The following ATP2C1 variants were observed in gnomAD, a reference collection of about 807,000 sequenced individuals.
ATP2C1 encodes the protein ATPase secretory pathway Ca2+ transporting 1, also known as calcium-transporting ATPase type 2C member 1.
ATP2C1 carries 31 observed loss-of-function variants against 120.5 expected under a neutral mutation model. The observed-to-expected ratio is 0.26, with a 90% confidence interval of 0.19 to 0.35. The LOEUF is 0.35. Among genes scored for constraint, ATP2C1 ranks in the 10% least tolerant of loss-of-function variants. The probability of loss-of-function intolerance (pLI) is 1.00; values close to 1 mark genes in which losing one functional copy is unlikely to be tolerated. For missense variants in ATP2C1, 731 were observed against 1,107.5 expected (o/e 0.66, Z 4.83); for synonymous variants, 351 against 358.7 (o/e 0.98, Z 0.24).
chr3:130,933,258 A>T (rs973461249), intron 4 of ATP2C1, among the ~76,000 whole-genome samples: 1 of 105,818 alleles, frequency 9.5e-6, no homozygotes, highest in Non-Finnish European at 2.3e-5. Flanking sequence ...ATCACAAAGC[A>T]CTGGGTGATT....
chr3:130,934,465 G>A (rs930485455), intron 4 of ATP2C1, among the ~76,000 whole-genome samples, 157 bp from the exon 5 acceptor site: 5 of 150,668 alleles, frequency 3.3e-5, no homozygotes, highest in South Asian at 4.2e-4. Flanking sequence ...AAGTATAAAC[G>A]CTTTTTTTGT....
chr3:130,980,267 G>A (rs1300948502), intron 19 of ATP2C1, among the ~76,000 whole-genome samples: 1 of 140,328 alleles, frequency 7.1e-6, no homozygotes, highest in East Asian at 2.0e-4. Flanking sequence ...TTTTTTTCCT[G>A]TAGAGACAGG....
At position 130,971,480 on chromosome 3, in the gene ATP2C1, TA is replaced by T. The variant is rs561924810; in HGVS notation, c.1413+2088del. Reference sequence around the variant, plus strand: ...ACACAGATAGGGAAACTTAACATTTTAAAAGTAACTTCAGTGGCTCAGATAG... The same window carrying T: ...ACACAGATAGGGAAACTTAACATTTTAAAGTAACTTCAGTGGCTCAGATAG... On this transcript the variant is annotated intron_variant, in intron 17 of 27. Transcript: ENST00000510168. Among the ~76,000 whole-genome samples the T allele has an allele frequency of 1.3e-4, 20 of 152,308 alleles. No homozygotes were observed. In the East Asian group the frequency reaches 3.3e-3, roughly 25 times the overall value.
chr3:131,016,472 C>T, exon 27 of ATP2C1: 5 of 979,496 alleles, frequency 5.1e-6, no homozygotes, highest in Non-Finnish European at 7.5e-6. Flanking sequence ...TCTCTTCTGG[C>T]TTCATAAATG....
At chr3:130,858,003 CA>C (rs2067897733) in intron 1 of ATP2C1, among the ~76,000 whole-genome samples, 1 of 152,140 alleles carries the variant, frequency 6.6e-6, no homozygotes, top group South Asian at 2.1e-4. Flanking sequence ...TCCAAGAGTC[CA>C]AAAGCTGAAG....
Position 130,986,666 on chromosome 3 carries a change from A to G in ATP2C1, c.1839+5987A>G, listed in dbSNP as rs149184370. Among the ~76,000 whole-genome samples the G allele has an allele frequency of 8.0e-3, 1,219 of 152,322 alleles. 15 individuals carry two copies. Among genetic ancestry groups the G allele is most frequent in the Middle Eastern group, 0.027 (8 of 294 alleles). On this transcript the variant is annotated intron_variant, in intron 20 of 27. Coordinates refer to ENST00000510168, the MANE Select transcript of ATP2C1 (RefSeq NM_001378687.1). ...TCATCCTACTTTAAAGTGGAATTCT[A>G]TAAATACTAGCCCTGCCTCCCAGGT...
chr3:130,997,534 A>T, intron 24 of ATP2C1, 72 bp from the exon 25 acceptor site: 2 of 1,372,908 alleles, frequency 1.5e-6, no homozygotes, highest in Non-Finnish European at 2.1e-6. Context: ...AATTGAGGTT[A>T]GTGAGGTTGT....
At chr3:130,943,708 T>A (rs1335722322) in intron 8 of ATP2C1, among the ~76,000 whole-genome samples, 1 of 152,218 alleles carries the variant, frequency 6.6e-6, no homozygotes, top group Non-Finnish European at 1.5e-5. Flanking sequence ...TTTTATTCTC[T>A]CTACCTTAAT....
intron 8 of ATP2C1, among the ~76,000 whole-genome samples, chr3:130,942,013 C>T (rs1376858515): frequency 1.3e-5 from 2 of 152,056 alleles, no homozygotes; most frequent in African/African-American, 4.8e-5. Context: ...AATTACTCAC[C>T]ATAAAATAGA....
chr3:130,987,411 A>T (rs1011691398), intron 20 of ATP2C1, among the ~76,000 whole-genome samples: 1 of 152,210 alleles, frequency 6.6e-6, no homozygotes, highest in Admixed American at 6.5e-5. Flanking sequence ...TCCTGGGTTC[A>T]GGTGATCTCC....
In ATP2C1 at chr3:130,941,823, G is replaced by T. The variant is rs2059933134; in HGVS notation, c.531+124G>T. On this transcript the variant is annotated intron_variant, in intron 8 of 27. Coordinates refer to ENST00000510168, the MANE Select transcript of ATP2C1 (RefSeq NM_001378687.1). ...ACCATTTGGTATTCTACTTTAAAAT[G>T]TGACATATATAAACTTTTTTTTTTC... The T allele has an allele frequency of 5.8e-6, 5 of 861,430 alleles. No individual in the cohort carries two copies. The Admixed American group carries it at 1.0e-4, about 18-fold the overall frequency. The allele number at this position is 861,430 out of a possible 1,614,324, so 53.4% of individuals were successfully genotyped here.
At chr3:130,852,247 T>C (rs2067696935) in intron 1 of ATP2C1, among the ~76,000 whole-genome samples, 1 of 152,228 alleles carries the variant, frequency 6.6e-6, no homozygotes, top group South Asian at 2.1e-4. Flanking sequence ...AATCTTTTAA[T>C]GTTCACGGGC....
At chr3:130,877,643 T>A (rs976962365) in intron 1 of ATP2C1, among the ~76,000 whole-genome samples, 2 of 151,794 alleles carry the variant, frequency 1.3e-5, no homozygotes, top group Non-Finnish European at 2.9e-5. Context: ...AAACAACAGG[T>A]GCTGGAGAGG....
At chr3:130,958,102 C>T (rs759304088) in intron 11 of ATP2C1, among the ~76,000 whole-genome samples, 20 of 152,108 alleles carry the variant, frequency 1.3e-4, no homozygotes, top group Non-Finnish European at 2.2e-4. Flanking sequence ...AGCACTATAC[C>T]ATAAACCATT....
chr3:130,947,959 A>G (rs1434331795), intron 8 of ATP2C1, among the ~76,000 whole-genome samples: 1 of 152,220 alleles, frequency 6.6e-6, no homozygotes, highest in Non-Finnish European at 1.5e-5. Context: ...AAAATCGTAC[A>G]GCCCACACCT....
At position 130,912,335 on chromosome 3, in the gene ATP2C1, A is replaced by G. The variant is rs1485179929; in HGVS notation, c.6+17560A>G. On this transcript the variant is annotated intron_variant, in intron 2 of 27. Transcript: ENST00000510168. ...CAGGAAACCTACAAAATGGGAGAAA[A>G]TTTTCGCAACCTACTCATCTGACAA... 2.6e-5 allele frequency among the ~76,000 whole-genome samples: 4 copies of G among 151,274 alleles called. No homozygotes were observed. In the East Asian group the frequency reaches 7.8e-4, roughly 29 times the overall value.
At chr3:130,966,168 G>A (rs1034145950) in intron 14 of ATP2C1, among the ~76,000 whole-genome samples, 7 of 152,038 alleles carry the variant, frequency 4.6e-5, no homozygotes, top group African/African-American at 1.2e-4. Flanking sequence ...GTTTATTTAC[G>A]TCCATTTTAC....
chr3:130,952,239 A>C (rs934612602), intron 8 of ATP2C1, among the ~76,000 whole-genome samples: 4 of 152,226 alleles, frequency 2.6e-5, no homozygotes, highest in Admixed American at 2.6e-4. Context: ...ATCCAAGGGT[A>C]GAAACTTTGT....
chr3:130,889,978 G>A (rs1196662300), upstream of ATP2C1, among the ~76,000 whole-genome samples: 1 of 151,968 alleles, frequency 6.6e-6, no homozygotes, highest in African/African-American at 2.4e-5. Context: ...AAGTCCTCTT[G>A]GTTTTACAGG....
Sources: allele counts gnomAD v4.1 joint callset (sites outside exome capture counted in the v4.1 genomes callset), GRCh38; gene constraint gnomAD v4.1.1; transcripts MANE v1.5; gene names NCBI Gene and HGNC (gene_info 2026-07-23, HGNC 2026-07-21).